The following POU2F1 variants were observed in gnomAD, a reference collection of about 807,000 sequenced individuals.
POU2F1 encodes the protein POU domain, class 2, transcription factor 1.
A neutral mutation model predicts 84.9 loss-of-function variants in POU2F1; 16 were observed. That is an observed-to-expected ratio of 0.19 (90% confidence interval 0.13 to 0.29). POU2F1 has a LOEUF of 0.29. Ranked by LOEUF, POU2F1 falls within the 10% of genes least tolerant of loss-of-function variation. The probability of loss-of-function intolerance (pLI) is 1.00; values close to 1 mark genes in which losing one functional copy is unlikely to be tolerated. For missense variants in POU2F1, 738 were observed against 942.6 expected (o/e 0.78, Z 2.84); for synonymous variants, 368 against 368.3 (o/e 1.00, Z 0.01).
At chr1:167,264,671 C>T (rs1651814203) in intron 1 of POU2F1, among the ~76,000 whole-genome samples, 1 of 152,168 alleles carries the variant, frequency 6.6e-6, no homozygotes. Context: ...TTTGAATTAG[C>T]TAGTCTCAGC....
chr1:167,266,661 G>A (rs1355810487), intron 1 of POU2F1, among the ~76,000 whole-genome samples: 1 of 135,230 alleles, frequency 7.4e-6, no homozygotes, highest in Non-Finnish European at 1.5e-5. Context: ...GTCTCGCTCT[G>A]TTGCCAGGCT....
intron 7 of POU2F1, among the ~76,000 whole-genome samples, chr1:167,382,750 C>T (rs59713679): frequency 0.017 from 2,586 of 152,222 alleles, 73 homozygotes; most frequent in African/African-American, 0.058. Context: ...TGTCCCAGAT[C>T]AGCAAAAGTC....
At chr1:167,279,381 A>G (rs1472453576) in intron 1 of POU2F1, among the ~76,000 whole-genome samples, 3 of 152,236 alleles carry the variant, frequency 2.0e-5, no homozygotes, top group Admixed American at 2.0e-4. Flanking sequence ...TCCCCCCATG[A>G]CAGAACATGT....
chr1:167,376,372 T>G (rs1313035950), intron 7 of POU2F1, among the ~76,000 whole-genome samples: 3 of 152,252 alleles, frequency 2.0e-5, no homozygotes, highest in Non-Finnish European at 4.4e-5. Flanking sequence ...ATTCATCTGC[T>G]TAATCACTAA....
intron 1 of POU2F1, among the ~76,000 whole-genome samples, chr1:167,308,453 A>G (rs1306442998): frequency 6.6e-6 from 1 of 152,010 alleles, no homozygotes; most frequent in African/African-American, 2.4e-5. Context: ...TCTCTTTGTA[A>G]TTAATAATTA....
In POU2F1 at chr1:167,426,712, T is replaced by A. The variant is rs537336001; in HGVS notation, c.*10902T>A. 6.6e-6 allele frequency: 1 copy of A among 152,370 alleles called. No individual in the cohort carries two copies. The highest frequency in any genetic ancestry group is 1.9e-4 in the East Asian group (1 of 5,190). The allele number at this position is 152,370 out of a possible 1,614,324, so 9.4% of individuals were successfully genotyped here. ...CCCGGCCTCCTAGAACTTTTTGTTTTATGTACTTTAAAATGTGAGTTTGAG... is the reference window on the plus strand; with the variant it reads ...CCCGGCCTCCTAGAACTTTTTGTTTAATGTACTTTAAAATGTGAGTTTGAG... On this transcript the variant is annotated 3_prime_UTR_variant, in exon 16 of 16. Coordinates refer to ENST00000367866, the MANE Select transcript of POU2F1 (RefSeq NM_002697.4).
intron 1 of POU2F1, among the ~76,000 whole-genome samples, chr1:167,307,298 A>G (rs2102588296): frequency 6.6e-6 from 1 of 152,242 alleles, no homozygotes; most frequent in Non-Finnish European, 1.5e-5. Flanking sequence ...CCTCTATAAG[A>G]TCTTGAAATG....
intron 13 of POU2F1, among the ~76,000 whole-genome samples, chr1:167,408,953 G>C (rs1649774153): frequency 6.6e-6 from 1 of 152,118 alleles, no homozygotes; most frequent in Admixed American, 6.5e-5. Flanking sequence ...CACAATTCCA[G>C]TTCCTTTATT....
chr1:167,327,670 C>T (rs1264470735), intron 1 of POU2F1, among the ~76,000 whole-genome samples: 3 of 152,126 alleles, frequency 2.0e-5, no homozygotes, highest in East Asian at 1.9e-4. Context: ...TCTTTGCTGC[C>T]GTTTACTGGT....
At chr1:167,395,617 T>A (rs1648752395) in intron 9 of POU2F1, among the ~76,000 whole-genome samples, 1 of 152,192 alleles carries the variant, frequency 6.6e-6, no homozygotes, top group Admixed American at 6.5e-5. Flanking sequence ...ATTTTTTTCT[T>A]TTTTTGAGAC....
intron 15 of POU2F1, 62 bp downstream of exon 15, chr1:167,413,176 TGTG>T: frequency 1.5e-6 from 2 of 1,345,940 alleles, no homozygotes; most frequent in Non-Finnish European, 2.1e-6. Flanking sequence ...TGTGTGTGTG[TGTG>T]TGTGTGTGTG....
chr1:167,376,037 A>G lies in POU2F1; in HGVS notation c.600A>G (p.Gln200=). Residue 200 remains glutamine (Q), a synonymous_variant, in exon 7 of 16, where the codon CAA becomes CAG. Coordinates refer to ENST00000367866, the MANE Select transcript of POU2F1 (RefSeq NM_002697.4). ...SQPIQIAQDL[Q]QLQQLQQQNL... ...TAATTCCAATTTTTCAGGATCTTCA[A>G]CAACTGCAACAGCTTCAACAGCAGA... 6.2e-7 allele frequency: 1 copy of G among 1,614,036 alleles called. No individual in the cohort carries two copies. The highest frequency in any genetic ancestry group is 1.3e-5 in the African/African-American group (1 of 75,034).
In POU2F1 at chr1:167,416,358, T is replaced by G. The variant is rs1402528683; in HGVS notation, c.*548T>G. ...GGTTCCTTTCTTAACTGGTACAATTTAGGCAGGCCTGTATTACTGTATTAT... is the reference window on the plus strand; with the variant it reads ...GGTTCCTTTCTTAACTGGTACAATTGAGGCAGGCCTGTATTACTGTATTAT... On this transcript the variant is annotated 3_prime_UTR_variant, in exon 16 of 16. Coordinates refer to ENST00000367866, the MANE Select transcript of POU2F1 (RefSeq NM_002697.4). 1 of 218,454 alleles carries G rather than the reference T, an allele frequency of 4.6e-6. No individual in the cohort carries two copies. The highest frequency in any genetic ancestry group is 9.1e-6 in the Non-Finnish European group (1 of 109,370). 13.5% of individuals were successfully genotyped at this position (218,454 alleles called of 1,614,324 possible).
intron 1 of POU2F1, among the ~76,000 whole-genome samples, chr1:167,235,525 T>C (rs1331879514): frequency 1.3e-5 from 2 of 152,222 alleles, no homozygotes; most frequent in African/African-American, 4.8e-5. Context: ...AGTAGTTACA[T>C]AATGCCATCA....
intron 1 of POU2F1, among the ~76,000 whole-genome samples, chr1:167,266,112 C>T (rs1454665890): frequency 6.6e-6 from 1 of 152,210 alleles, no homozygotes; most frequent in Non-Finnish European, 1.5e-5. Context: ...GAAGAGTTTG[C>T]ATTTATATGA....
chr1:167,405,839 T>C (rs1649538310), intron 13 of POU2F1, among the ~76,000 whole-genome samples: 1 of 152,190 alleles, frequency 6.6e-6, no homozygotes, highest in South Asian at 2.1e-4. Context: ...CCAGGATACT[T>C]TTAGCCATAA....
rs770560029 is a variant in POU2F1, at chr1:167,415,493, T to A, written c.1991-7T>A. The A allele has an allele frequency of 6.2e-7, 1 of 1,613,076 alleles. No homozygotes were observed. Among genetic ancestry groups the A allele is most frequent in the Non-Finnish European group, 8.5e-7 (1 of 1,179,320 alleles). Reference sequence around the variant, plus strand: ...TCCTGCCTGTTTTGGGGGGTTTTTGTCTGTAGCTCTTGCTTCTGGTGGCTC... The same window carrying A: ...TCCTGCCTGTTTTGGGGGGTTTTTGACTGTAGCTCTTGCTTCTGGTGGCTC... On this transcript the variant is annotated splice_region_variant and splice_polypyrimidine_tract_variant and intron_variant, in intron 15 of 15. Coordinates refer to ENST00000367866, the MANE Select transcript of POU2F1 (RefSeq NM_002697.4).
chr1:167,367,717 G>C (rs555289511), intron 3 of POU2F1, among the ~76,000 whole-genome samples: 2 of 151,998 alleles, frequency 1.3e-5, no homozygotes, highest in East Asian at 1.9e-4. Flanking sequence ...TACCATATGT[G>C]TATATGTATG....
chr1:167,221,075 G>A, intron 1 of POU2F1, 117 bp downstream of exon 1: 2 of 958,008 alleles, frequency 2.1e-6, no homozygotes, highest in Non-Finnish European at 3.1e-6. Context: ...TAACGGCGGG[G>A]AGATGGGGGG....
Sources: gnomAD v4.1 joint callset for allele counts (sites outside exome capture counted in the v4.1 genomes callset) on GRCh38, gnomAD v4.1.1 for gene constraint, MANE v1.5 for transcripts, NCBI Gene and HGNC (gene_info 2026-07-23, HGNC 2026-07-21) for gene names.